The following SIGLEC11 variants were observed in gnomAD, a reference collection of about 807,000 sequenced individuals.
The protein encoded by SIGLEC11 is sialic acid binding Ig like lectin 11.
A neutral mutation model predicts 61.2 loss-of-function variants in SIGLEC11; 47 were observed. The observed-to-expected ratio is 0.77, with a 90% confidence interval of 0.61 to 0.98. The LOEUF (loss-of-function observed/expected upper bound fraction) is 0.98, where lower values mean the gene tolerates loss of function less well. Among genes scored for constraint, SIGLEC11 ranks in the 50% least tolerant of loss-of-function variants. SIGLEC11 has a pLI of 0.00. For missense variants in SIGLEC11, 610 were observed against 870.3 expected (o/e 0.70, Z 3.76); for synonymous variants, 278 against 373.1 (o/e 0.75, Z 2.94).
rs1403881987 is a variant in SIGLEC11 at position 49,951,280 on chromosome 19, T to C, written c.1830+611A>G. ...CTTCCTTGCTGGGAGAATTGGGTGC[T>C]GTCCCCATGGCTCCCCTGGGAAAGG... On this transcript the variant is annotated intron_variant, in intron 10 of 10. Coordinates refer to ENST00000447370, the MANE Select transcript of SIGLEC11 (RefSeq NM_052884.3). This position sits in a 1 kb window ranked among gnomAD's most constrained non-coding sequence, Gnocchi z 4.6. 6.6e-6 allele frequency among the ~76,000 whole-genome samples: 1 copy of C among 152,194 alleles called. No homozygotes were observed. Among genetic ancestry groups the C allele is most frequent in the Non-Finnish European group, 1.5e-5 (1 of 68,008 alleles).
chr19:49,950,033 G>T lies in SIGLEC11; in HGVS notation c.2034C>A (p.Pro678=). 6.3e-7 allele frequency: 1 copy of T among 1,587,726 alleles called. No homozygotes were observed. Among genetic ancestry groups the T allele is most frequent in the South Asian group, 1.1e-5 (1 of 88,640 alleles). ...GAAGCCCAAAGCCTGGGCCCCTCAG[G>T]GGCTGTCCTGTGTGGATCTTGATCT... The part of the protein sequence containing the change: ...YSEIKIHTGQ[P]LRGPGFGLQL... Residue 678 remains proline, a synonymous_variant, in exon 11 of 11, where the codon CCC becomes CCA. Coordinates refer to ENST00000447370, the MANE Select transcript of SIGLEC11 (RefSeq NM_052884.3).
At chr19:49,957,729 C>T (rs759889178) in intron 8 of SIGLEC11, among the ~76,000 whole-genome samples, 4 of 152,170 alleles carry the variant, frequency 2.6e-5, no homozygotes, top group Non-Finnish European at 5.9e-5. Flanking sequence ...TAGCCGGGCG[C>T]GGTGGCACAC....
intron 8 of SIGLEC11, among the ~76,000 whole-genome samples, chr19:49,956,937 G>A (rs2076200660): frequency 6.6e-6 from 1 of 152,046 alleles, no homozygotes; most frequent in African/African-American, 2.4e-5. Context: ...AAAAATCGCT[G>A]ACAATGAAAA....
chr19:49,958,217 A>T, intron 8 of SIGLEC11, 66 bp downstream of exon 8: 3 of 1,577,008 alleles, frequency 1.9e-6, no homozygotes, highest in Non-Finnish European at 2.6e-6. Flanking sequence ...CACAACCTTG[A>T]ACCTTCATCT....
chr19:49,953,226 C>A (rs996804242), intron 8 of SIGLEC11, among the ~76,000 whole-genome samples: 1 of 152,178 alleles, frequency 6.6e-6, no homozygotes, highest in African/African-American at 2.4e-5. Context: ...ACAACAAAAC[C>A]TGAAAGGAGC....
rs1404081731 is a variant in SIGLEC11, at chr19:49,951,478, ACAACTGTGGT to A, written c.1830+403_1830+412del. Among the ~76,000 whole-genome samples, 1 of 152,140 alleles carries A rather than the reference ACAACTGTGGT, an allele frequency of 6.6e-6. No individual in the cohort carries two copies. Among genetic ancestry groups the A allele is most frequent in the Non-Finnish European group, 1.5e-5 (1 of 68,016 alleles). The stretch of plus-strand genomic sequence containing the variant: ...ACCTCAGAGTGGTCGTGGGGACCCC[ACAACTGTGGT>A]TGGTGTCAGAAGTGAGGATGGGGAC... On this transcript the variant is annotated intron_variant, in intron 10 of 10. Transcript: ENST00000447370. The surrounding 1 kb of genome is among the most constrained non-coding windows in gnomAD (Gnocchi z 4.6).
chr19:49,954,876 A>G (rs563570251), intron 8 of SIGLEC11, among the ~76,000 whole-genome samples: 4 of 152,204 alleles, frequency 2.6e-5, no homozygotes, highest in Non-Finnish European at 4.4e-5. Context: ...CAGCTTCAGC[A>G]TTTGCAAAGG....
At chr19:49,954,152 C>G (rs1238797270) in intron 8 of SIGLEC11, among the ~76,000 whole-genome samples, 1 of 152,090 alleles carries the variant, frequency 6.6e-6, no homozygotes, top group East Asian at 1.9e-4. Flanking sequence ...ACACTTGTAG[C>G]CCGAGCCAAA....
chr19:49,951,095 G>A lies in SIGLEC11; in HGVS notation c.1830+796C>T, dbSNP rs1425628727. Reference sequence around the variant, plus strand: ...TTACGCCAGCACTGGGACTTACGGCGGGGCCTACGTAGCATCAGTTTGGCT... The same window carrying A: ...TTACGCCAGCACTGGGACTTACGGCAGGGCCTACGTAGCATCAGTTTGGCT... On this transcript the variant is annotated intron_variant, in intron 10 of 10. Coordinates refer to ENST00000447370, the MANE Select transcript of SIGLEC11 (RefSeq NM_052884.3). The surrounding 1 kb of genome is among the most constrained non-coding windows in gnomAD (Gnocchi z 4.6). Among the ~76,000 whole-genome samples the A allele has an allele frequency of 6.6e-6, 1 of 152,152 alleles. No individual in the cohort carries two copies. The highest frequency in any genetic ancestry group is 1.5e-5 in the Non-Finnish European group (1 of 68,024).
At chr19:49,954,927 A>G (rs2076185630) in intron 8 of SIGLEC11, among the ~76,000 whole-genome samples, 1 of 152,232 alleles carries the variant, frequency 6.6e-6, no homozygotes, top group South Asian at 2.1e-4. Context: ...GCTGGTGGAA[A>G]GAAAGCAATT....
chr19:49,951,863 C>T lies in SIGLEC11; in HGVS notation c.1830+28G>A, dbSNP rs1178320880. 1 of 1,551,744 alleles carries T rather than the reference C, an allele frequency of 6.4e-7. No individual in the cohort carries two copies. The highest frequency in any genetic ancestry group is 8.7e-7 in the Non-Finnish European group (1 of 1,147,308). ...ATCAAGGAAAGGGGAACAGGCAGGGCCCCAGCAGACAGAGGCTGGGCTCTC... is the reference window on the plus strand; with the variant it reads ...ATCAAGGAAAGGGGAACAGGCAGGGTCCCAGCAGACAGAGGCTGGGCTCTC... On this transcript the variant is annotated intron_variant, in intron 10 of 10. Coordinates refer to ENST00000447370, the MANE Select transcript of SIGLEC11 (RefSeq NM_052884.3). The surrounding 1 kb of genome is among the most constrained non-coding windows in gnomAD (Gnocchi z 4.6).
At chr19:49,956,362 C>A (rs1186413248) in intron 8 of SIGLEC11, among the ~76,000 whole-genome samples, 1 of 152,106 alleles carries the variant, frequency 6.6e-6, no homozygotes, top group Non-Finnish European at 1.5e-5. Context: ...ATGACCTCAT[C>A]CAAATCCGTT....
At chr19:49,959,254 C>T (rs754233728) in intron 5 of SIGLEC11, 106 bp downstream of exon 5, 24 of 1,539,022 alleles carry the variant, frequency 1.6e-5, no homozygotes, top group African/African-American at 7.5e-5. Context: ...AAGGTCAGTC[C>T]CCGAGGCCTG....
rs776419227 is a variant in SIGLEC11, at chr19:49,958,730, T to C, written c.1276A>G (p.Ile426Val). ...AACTCTCCTTCGTGCTCCATTTGAA[T>C]GGGTGGCAGCTCCAGGACCCCGGGG... is the stretch of plus-strand genomic sequence containing the variant. Reference protein sequence around the residue: ...SDPGVLELPPIQMEHEGEFTC... With the variant: ...SDPGVLELPPVQMEHEGEFTC... The change falls in exon 7 of 11, where the codon ATT (isoleucine) becomes GTT (valine). Residue 426 changes from isoleucine to valine, a missense_variant. Transcript: ENST00000447370. 1.2e-5 allele frequency: 20 copies of C among 1,613,592 alleles called. No individual in the cohort carries two copies. Among genetic ancestry groups the C allele is most frequent in the Admixed American group, 6.7e-5 (4 of 59,968 alleles).
intron 8 of SIGLEC11, 64 bp downstream of exon 8, chr19:49,958,219 C>A: frequency 6.3e-6 from 10 of 1,593,036 alleles, no homozygotes; most frequent in Non-Finnish European, 8.5e-6. Flanking sequence ...CAACCTTGAA[C>A]CTTCATCTTT....
At chr19:49,952,615 TATAAG>T (rs1456419908) in intron 8 of SIGLEC11, among the ~76,000 whole-genome samples, 7 of 152,326 alleles carry the variant, frequency 4.6e-5, no homozygotes, top group Middle Eastern at 3.4e-3. Context: ...CAAGGACAGT[TATAAG>T]ATAATACTGT....
rs748219124 is a variant in SIGLEC11, at chr19:49,951,927, C to T, written c.1794G>A (p.Glu598=). Residue 598 remains glutamate (E), a synonymous_variant, in exon 10 of 11, where the codon GAG becomes GAA. Transcript: ENST00000447370. This position sits in a 1 kb window ranked among gnomAD's most constrained non-coding sequence, Gnocchi z 4.6. ...GTCCCAGGGTGGAGGGCACGTCCTG[C>T]TCAGCTGCTGCCCTCTTGCGAGCTT... ...RKEARKRAAA[E]QDVPSTLGPI... is the part of the protein sequence containing the mutation. 62 of 1,611,036 alleles carry T rather than the reference C, an allele frequency of 3.8e-5. No individual in the cohort carries two copies. Among genetic ancestry groups the T allele is most frequent in the Non-Finnish European group, 5.0e-5 (59 of 1,178,896 alleles).
At chr19:49,952,114 G>T in intron 9 of SIGLEC11, 142 bp from the exon 10 acceptor site, 1 of 1,023,570 alleles carries the variant, frequency 9.8e-7, no homozygotes, top group Non-Finnish European at 1.4e-6. Flanking sequence ...TCCATAGTGA[G>T]AACTGGGGAC....
At chr19:49,950,679 G>A (rs901825580) in intron 10 of SIGLEC11, among the ~76,000 whole-genome samples, 3 of 152,146 alleles carry the variant, frequency 2.0e-5, no homozygotes, top group African/African-American at 7.2e-5. Flanking sequence ...GGATATTCCC[G>A]GGGGAACTAG....
Sources: allele counts gnomAD v4.1 joint callset (sites outside exome capture counted in the v4.1 genomes callset), GRCh38; gene constraint gnomAD v4.1.1; non-coding constraint Gnocchi (gnomAD v3.1); transcripts MANE v1.5; gene names NCBI Gene and HGNC (gene_info 2026-07-23, HGNC 2026-07-21).